CANT1: variants seen among roughly 807,000 people sequenced by gnomAD.
The protein encoded by CANT1 is soluble calcium-activated nucleotidase 1.
Under a neutral mutation model 30.0 loss-of-function variants are expected in CANT1, and 26 were observed. The ratio of observed to expected loss-of-function variants is 0.87; its 90% CI spans 0.64 to 1.20. CANT1 has a LOEUF of 1.20. Ranked by LOEUF, CANT1 falls within the 50% of genes most tolerant of loss-of-function variation. The probability of loss-of-function intolerance (pLI) is 0.00; values close to 1 mark genes in which losing one functional copy is unlikely to be tolerated. For synonymous variants in CANT1, 246 were observed against 251.8 expected, an observed-to-expected ratio of 0.98 and a Z score of 0.22; for missense variants, 518 against 563.0, an observed-to-expected ratio of 0.92 and a Z score of 0.81.
rs1367226924 is a variant in CANT1, at chr17:78,995,267, C to T, written c.632-46G>A. ...TAGGCCCCGCACCCAGCTCCCGCCG[C>T]ACCCCTGCACCTGGCTCCCACCCGG... On this transcript the variant is annotated intron_variant, in intron 3 of 4. Transcript: ENST00000392446. The surrounding 1 kb of genome is among the most constrained non-coding windows in gnomAD (Gnocchi z 5.7). The T allele has an allele frequency of 6.3e-7, 1 of 1,584,092 alleles. No homozygotes were observed. The highest frequency in any genetic ancestry group is 1.1e-5 in the South Asian group (1 of 89,264).
In CANT1 at chr17:78,993,285, C is replaced by A; in HGVS notation, c.*265G>T. 1 of 524,908 alleles carries A rather than the reference C, an allele frequency of 1.9e-6. No individual in the cohort carries two copies. 32.5% of individuals were successfully genotyped at this position (524,908 alleles called of 1,614,324 possible). On this transcript the variant is annotated 3_prime_UTR_variant, in exon 5 of 5. Transcript: ENST00000392446. This position sits in a 1 kb window ranked among gnomAD's most constrained non-coding sequence, Gnocchi z 4.5. Reference sequence around the variant, plus strand: ...AACGAGGTCGGATGGAAGAAACGACCCAGCCAGTTAGGCAGGCCTTGAGTC... The same window carrying A: ...AACGAGGTCGGATGGAAGAAACGACACAGCCAGTTAGGCAGGCCTTGAGTC...
intron 1 of CANT1, among the ~76,000 whole-genome samples, chr17:78,999,642 ATTTT>A (rs35755919): frequency 4.4e-4 from 43 of 97,344 alleles, no homozygotes; most frequent in African/African-American, 1.6e-3. Context: ...CGCACAGCGA[ATTTT>A]TTTTTTTTTT....
At chr17:78,994,402 G>A (rs2070954366) in intron 4 of CANT1, among the ~76,000 whole-genome samples, 1 of 152,226 alleles carries the variant, frequency 6.6e-6, no homozygotes, top group Non-Finnish European at 1.5e-5. Context: ...AAGTGCTGCT[G>A]GCCCTATGTT....
At position 79,005,174 on chromosome 17, in the gene CANT1, G is replaced by GGGAGTTAGGGAAGGGAGTTAGGGAGA. The variant is rs1221538436; in HGVS notation, c.-147+4464_-147+4489dup. ...AGTTAGGGAGAGGAGTTAAGGAGAG[G>GGGAGTTAGGGAAGGGAGTTAGGGAGA]GGAGTTAGGGAAGGGAGTTAGGGAG... On this transcript the variant is annotated intron_variant, in intron 1 of 4. Coordinates refer to ENST00000392446, the MANE Select transcript of CANT1 (RefSeq NM_001159773.2). 7.7e-5 allele frequency among the ~76,000 whole-genome samples: 10 copies of GGGAGTTAGGGAAGGGAGTTAGGGAGA among 130,548 alleles called. No individual in the cohort carries two copies. In the East Asian group the frequency reaches 2.4e-3, roughly 31 times the overall value. 85.6% of individuals were successfully genotyped at this position (130,548 alleles called of 152,430 possible). A position where few individuals can be genotyped will look rare whatever the true frequency, so the allele number is the denominator to read the frequency against.
chr17:78,992,734 C>T lies in CANT1; in HGVS notation c.*816G>A, dbSNP rs1467189477. ...ATGTGAGACTTGCTTCACCAGCCGC[C>T]ACCGCTTCCTTACAATCTCCCGCAC... On this transcript the variant is annotated 3_prime_UTR_variant, in exon 5 of 5. Transcript: ENST00000392446. 3.4e-6 allele frequency: 2 copies of T among 596,650 alleles called. No individual in the cohort carries two copies. Among genetic ancestry groups the T allele is most frequent in the South Asian group, 2.8e-5 (2 of 71,856 alleles). The allele number at this position is 596,650 out of a possible 1,614,324, so 37.0% of individuals were successfully genotyped here. A position where few individuals can be genotyped will look rare whatever the true frequency, so the allele number is the denominator to read the frequency against.
Position 78,993,607 on chromosome 17 carries a change from G to A in CANT1, c.1149C>T (p.Phe383=). The stretch of plus-strand genomic sequence containing the variant: ...TTCCGATCTTGGTCTCCGGCAACAG[G>A]AAGCGCCCGTCCAGCGTGAAGGCCA... ...YIMAFTLDGR[F]LLPETKIGSV... is the part of the protein sequence containing the mutation. The change falls in exon 5 of 5, where the codon TTC becomes TTT. Residue 383 remains phenylalanine, a synonymous_variant. Coordinates refer to ENST00000392446, the MANE Select transcript of CANT1 (RefSeq NM_001159773.2). This position sits in a 1 kb window ranked among gnomAD's most constrained non-coding sequence, Gnocchi z 4.5. 1 of 1,614,262 alleles carries A rather than the reference G, an allele frequency of 6.2e-7. No homozygotes were observed. The highest frequency in any genetic ancestry group is 8.5e-7 in the Non-Finnish European group (1 of 1,180,056).
chr17:78,997,296 A>AACTGC lies in CANT1; in HGVS notation c.322_326dup (p.Ile110GlnfsTer22). The stretch of plus-strand genomic sequence containing the variant: ...TTGACTCTGTGTCCAGGTCTGCGAT[A>AACTGC]ACTGCGATTCGATACCGAATCCCAG... On this transcript the variant is annotated frameshift_variant, in exon 3 of 5. Coordinates refer to ENST00000392446, the MANE Select transcript of CANT1 (RefSeq NM_001159773.2). LOFTEE classifies it high-confidence loss of function. The surrounding 1 kb of genome is among the most constrained non-coding windows in gnomAD (Gnocchi z 7.5). The AACTGC allele has an allele frequency of 6.2e-7, 1 of 1,614,146 alleles. No individual in the cohort carries two copies. The highest frequency in any genetic ancestry group is 8.5e-7 in the Non-Finnish European group (1 of 1,180,028).
At position 79,002,416 on chromosome 17, in the gene CANT1, C is replaced by A. The variant is rs1343772735; in HGVS notation, c.-146-4453G>T. Among the ~76,000 whole-genome samples, 4 of 152,230 alleles carry A rather than the reference C, an allele frequency of 2.6e-5. No individual in the cohort carries two copies. Among genetic ancestry groups the A allele is most frequent in the African/African-American group, 9.6e-5 (4 of 41,454 alleles). ...CGCCTGCTGGGAGGGTTGCAAACTA[C>A]CACCCGTGGGCCAAATGCAGTCTCC... On this transcript the variant is annotated intron_variant, in intron 1 of 4. Coordinates refer to ENST00000392446, the MANE Select transcript of CANT1 (RefSeq NM_001159773.2). The surrounding 1 kb of genome is among the most constrained non-coding windows in gnomAD (Gnocchi z 4.0).
chr17:78,995,333 G>A lies in CANT1; in HGVS notation c.632-112C>T, dbSNP rs1021838693. The A allele has an allele frequency of 3.3e-5, 39 of 1,169,378 alleles. No homozygotes were observed. The African/African-American group carries it at 4.3e-4, about 13-fold the overall frequency. The allele number at this position is 1,169,378 out of a possible 1,614,324, so 72.4% of individuals were successfully genotyped here. A position where few individuals can be genotyped will look rare whatever the true frequency, so the allele number is the denominator to read the frequency against. ...TAGACCCCGCACCTGACTCCCGCCC[G>A]GCTCCACACCTGCCTCCCCTCCGGC... On this transcript the variant is annotated intron_variant, in intron 3 of 4. Transcript: ENST00000392446. This position sits in a 1 kb window ranked among gnomAD's most constrained non-coding sequence, Gnocchi z 5.7.
chr17:78,999,970 T>G (rs1282200204), intron 1 of CANT1: 1 of 151,648 alleles, frequency 6.6e-6, no homozygotes, highest in Non-Finnish European at 1.5e-5. Flanking sequence ...AATTTTTAAT[T>G]TTTTTTATAG....
chr17:78,995,659 G>T lies in CANT1; in HGVS notation c.632-438C>A, dbSNP rs2071013265. Among the ~76,000 whole-genome samples, 1 of 152,172 alleles carries T rather than the reference G, an allele frequency of 6.6e-6. No individual in the cohort carries two copies. The highest frequency in any genetic ancestry group is 2.4e-5 in the African/African-American group (1 of 41,418). ...TGGGGCTCCCAGTCTTCCTTTCAAT[G>T]GATTTGTTCAGAAGCTGTTTTTGCT... On this transcript the variant is annotated intron_variant, in intron 3 of 4. Coordinates refer to ENST00000392446, the MANE Select transcript of CANT1 (RefSeq NM_001159773.2). The surrounding 1 kb of genome is among the most constrained non-coding windows in gnomAD (Gnocchi z 5.7).
rs769810044 is a variant in CANT1 at position 78,997,619 on chromosome 17, G to A, written c.4C>T (p.Pro2Ser). The change falls in exon 3 of 5, where the codon CCC (proline) becomes TCC (serine). Residue 2 changes from proline to serine, a missense_variant. Pro to Ser is a moderately conservative substitution (Grantham distance 74). This residue lies in a region of CANT1 where 249 missense variants were observed against 268.8 expected (regional missense o/e 0.93). Coordinates refer to ENST00000392446, the MANE Select transcript of CANT1 (RefSeq NM_001159773.2). This position sits in a 1 kb window ranked among gnomAD's most constrained non-coding sequence, Gnocchi z 7.5. M[P>S]VQLSEHPEWN... ...TCCGGGTGCTCAGACAGCTGCACGG[G>A]CATCAGCGTGACAGACAGGCGGGAC... 6.4e-6 allele frequency: 10 copies of A among 1,567,690 alleles called. No individual in the cohort carries two copies. Among genetic ancestry groups the A allele is most frequent in the Non-Finnish European group, 8.7e-6 (10 of 1,156,048 alleles).
At position 78,992,097 on chromosome 17, in the gene CANT1, A is replaced by G. The variant is rs1404319461; in HGVS notation, c.*1453T>C. 4.3e-6 allele frequency: 1 copy of G among 232,210 alleles called. No homozygotes were observed. Among genetic ancestry groups the G allele is most frequent in the Non-Finnish European group, 8.5e-6 (1 of 117,472 alleles). 14.4% of individuals were successfully genotyped at this position (232,210 alleles called of 1,614,324 possible). A position where few individuals can be genotyped will look rare whatever the true frequency, so the allele number is the denominator to read the frequency against. On this transcript the variant is annotated 3_prime_UTR_variant, in exon 5 of 5. Transcript: ENST00000392446. ...CCCGGTGACAGCTGAGCTCTTCAGA[A>G]ATGCGTCACATTCAGCGTTCACTTC...
In CANT1 at chr17:78,992,586, T is replaced by C. The variant is rs75126416; in HGVS notation, c.*964A>G. Reference sequence around the variant, plus strand: ...AGAGACAGGCCTCGTTCACAGACCCTAGGCAGGGAATAAAAAATTCAAGTC... The same window carrying C: ...AGAGACAGGCCTCGTTCACAGACCCCAGGCAGGGAATAAAAAATTCAAGTC... On this transcript the variant is annotated 3_prime_UTR_variant, in exon 5 of 5. Coordinates refer to ENST00000392446, the MANE Select transcript of CANT1 (RefSeq NM_001159773.2). 0.029 allele frequency: 13,218 copies of C among 460,682 alleles called. 231 individuals are homozygous for C. The highest frequency in any genetic ancestry group is 0.045 in the African/African-American group (2,311 of 51,772). The allele number at this position is 460,682 out of a possible 1,614,324, so 28.5% of individuals were successfully genotyped here.
At chr17:78,999,642 ATTTTTTTTTTTTTT>A (rs35755919) in intron 1 of CANT1, among the ~76,000 whole-genome samples, 2 of 97,328 alleles carry the variant, frequency 2.1e-5, no homozygotes, top group African/African-American at 4.1e-5. Context: ...CGCACAGCGA[ATTTTTTTTTTTTTT>A]TTTTTTTTTT....
At position 79,002,629 on chromosome 17, in the gene CANT1, T is replaced by C. The variant is rs145654086; in HGVS notation, c.-146-4666A>G. 8.0e-4 allele frequency among the ~76,000 whole-genome samples: 122 copies of C among 152,254 alleles called. No individual in the cohort carries two copies. The highest frequency in any genetic ancestry group is 2.7e-3 in the African/African-American group (114 of 41,552). On this transcript the variant is annotated intron_variant, in intron 1 of 4. Coordinates refer to ENST00000392446, the MANE Select transcript of CANT1 (RefSeq NM_001159773.2). The surrounding 1 kb of genome is among the most constrained non-coding windows in gnomAD (Gnocchi z 4.0). ...TGGCATGCTGAGTCTGGCTGCACCGTTGAGTGGTCGCAACAGACTGTGGAG... is the reference window on the plus strand; with the variant it reads ...TGGCATGCTGAGTCTGGCTGCACCGCTGAGTGGTCGCAACAGACTGTGGAG...
Position 78,997,481 on chromosome 17 carries a change from T to C in CANT1, c.142A>G (p.Thr48Ala), listed in dbSNP as rs2071082325. The C allele has an allele frequency of 3.1e-6, 5 of 1,589,896 alleles. No homozygotes were observed. The South Asian group carries it at 5.7e-5, about 18-fold the overall frequency. Reference sequence around the variant, plus strand: ...AGGATGGCAGCACCCACAAAGAACGTCAGGATCACCTTCCAGCGGGGGCGG... The same window carrying C: ...AGGATGGCAGCACCCACAAAGAACGCCAGGATCACCTTCCAGCGGGGGCGG... ...RFRPRWKVIL[T>A]FFVGAAILWL... Residue 48 changes from threonine (T) to alanine (A), a missense_variant, in exon 3 of 5, where the codon ACG becomes GCG. Physicochemically the swap from Thr to Ala is moderately conservative, Grantham distance 58 (BLOSUM62 0). Around this residue, in one of 3 missense-constraint regions of CANT1, gnomAD observed 249 missense variants for 268.8 expected, o/e 0.93. Coordinates refer to ENST00000392446, the MANE Select transcript of CANT1 (RefSeq NM_001159773.2). This position sits in a 1 kb window ranked among gnomAD's most constrained non-coding sequence, Gnocchi z 7.5.
chr17:79,005,196 G>T (rs1464852480), intron 1 of CANT1, among the ~76,000 whole-genome samples: 2 of 133,918 alleles, frequency 1.5e-5, no homozygotes, highest in South Asian at 2.6e-4. Flanking sequence ...AGGGAGTTAG[G>T]GAGAGGGGAG....
intron 1 of CANT1, among the ~76,000 whole-genome samples, chr17:79,007,101 G>A (rs1177103221): frequency 3.3e-5 from 5 of 152,166 alleles, no homozygotes; most frequent in African/African-American, 4.8e-5. Context: ...GGAACCAGGC[G>A]CTCCACATGA....
Sources: allele counts gnomAD v4.1 joint callset (sites outside exome capture counted in the v4.1 genomes callset), GRCh38; gene constraint gnomAD v4.1.1; regional missense constraint gnomAD v4.1.1; non-coding constraint Gnocchi (gnomAD v3.1); transcripts MANE v1.5; gene names NCBI Gene and HGNC (gene_info 2026-07-23, HGNC 2026-07-21).